C10orf143: variants seen among roughly 807,000 people sequenced by gnomAD.
The protein encoded by C10orf143 is chromosome 10 open reading frame 143.
intron 3 of C10orf143, among the ~76,000 whole-genome samples, chr10:130,047,385 A>T (rs1860688158): frequency 6.6e-6 from 1 of 152,344 alleles, no homozygotes; most frequent in Middle Eastern, 3.4e-3. Context: ...CAGCCCCAGC[A>T]TCAGCACAGG....
intron 1 of C10orf143, among the ~76,000 whole-genome samples, chr10:130,084,201 C>T (rs1861253715): frequency 6.6e-6 from 1 of 152,020 alleles, no homozygotes. Flanking sequence ...GTAGTCCCAG[C>T]TACTTGGGAG....
intron 1 of C10orf143, among the ~76,000 whole-genome samples, chr10:130,084,447 T>C (rs1007251761): frequency 6.6e-5 from 10 of 152,236 alleles, no homozygotes; most frequent in African/African-American, 2.4e-4. Flanking sequence ...GAAATTACTT[T>C]ATTGGCATTG....
At chr10:130,085,177 G>A (rs1861270643) in intron 1 of C10orf143, among the ~76,000 whole-genome samples, 2 of 152,292 alleles carry the variant, frequency 1.3e-5, no homozygotes, top group Admixed American at 1.3e-4. Context: ...AATAATAGAT[G>A]CTAAAATTAG....
downstream of C10orf143, among the ~76,000 whole-genome samples, chr10:130,061,527 AT>A (rs970452540): frequency 6.6e-6 from 1 of 152,318 alleles, no homozygotes; most frequent in Admixed American, 6.5e-5. Flanking sequence ...ACGTTTTGAC[AT>A]TTTTAGCCCC....
intron 3 of C10orf143, among the ~76,000 whole-genome samples, chr10:130,053,275 G>A (rs936299090): frequency 6.6e-6 from 1 of 152,238 alleles, no homozygotes; most frequent in Admixed American, 6.5e-5. Flanking sequence ...TGGCCAGGAT[G>A]GTCTCGATCT....
intron 1 of C10orf143, among the ~76,000 whole-genome samples, chr10:130,088,254 C>T (rs111678115): frequency 0.05 from 7,630 of 152,004 alleles, 642 homozygotes; most frequent in African/African-American, 0.18. Flanking sequence ...CGTGGTGGCA[C>T]GTGCCTATAA....
At chr10:130,085,995 G>C (rs1861285570) in intron 1 of C10orf143, among the ~76,000 whole-genome samples, 1 of 152,128 alleles carries the variant, frequency 6.6e-6, no homozygotes, top group South Asian at 2.1e-4. Flanking sequence ...AATATCCCTA[G>C]TCTCTCTCAC....
Position 130,065,378 on chromosome 10 carries a change from G to A in C10orf143, c.298-995C>T, listed in dbSNP as rs1359196384. ...AGGCTTCACACAAGACAGGAATCTC[G>A]GGTGGGCCACGAAGGAGCAAGAGAA... On this transcript the variant is annotated intron_variant, in intron 3 of 3. Transcript: ENST00000637128. The surrounding 1 kb of genome is among the most constrained non-coding windows in gnomAD (Gnocchi z 4.2). 3 of 152,348 alleles carry A rather than the reference G, an allele frequency of 2.0e-5. No individual in the cohort carries two copies. Among genetic ancestry groups the A allele is most frequent in the South Asian group, 2.1e-4 (1 of 4,830 alleles). 9.4% of individuals were successfully genotyped at this position (152,348 alleles called of 1,614,324 possible). A position where few individuals can be genotyped will look rare whatever the true frequency, so the allele number is the denominator to read the frequency against.
chr10:130,053,812 C>T (rs1860766473), intron 3 of C10orf143, among the ~76,000 whole-genome samples: 1 of 152,202 alleles, frequency 6.6e-6, no homozygotes, highest in Non-Finnish European at 1.5e-5. Flanking sequence ...ACTCTGTTGC[C>T]AGGAGGCTGG....
intron 1 of C10orf143, among the ~76,000 whole-genome samples, chr10:130,093,811 C>G (rs1182994): frequency 6.6e-6 from 1 of 151,718 alleles, no homozygotes; most frequent in East Asian, 1.9e-4. Flanking sequence ...AGATTGAGAT[C>G]GTCCTGGCTA....
intron 3 of C10orf143, among the ~76,000 whole-genome samples, chr10:130,058,625 T>C (rs368526075): frequency 1.4e-5 from 2 of 148,096 alleles, no homozygotes; most frequent in African/African-American, 5.0e-5. Flanking sequence ...CAGTTACACA[T>C]AGAAACAGTA....
chr10:130,081,388 T>C (rs536456971), intron 1 of C10orf143, among the ~76,000 whole-genome samples: 10 of 152,208 alleles, frequency 6.6e-5, no homozygotes, highest in Non-Finnish European at 1.3e-4. Flanking sequence ...GGAGGTTTCA[T>C]ACACCATTCT....
chr10:130,080,261 G>A lies in C10orf143; in HGVS notation c.70-360C>T, dbSNP rs555385292. Among the ~76,000 whole-genome samples the A allele has an allele frequency of 1.6e-4, 24 of 152,292 alleles. No homozygotes were observed. In the South Asian group the frequency reaches 2.1e-3, roughly 13 times the overall value. ...GAAACTAGTTATATGCTTTTGCTTAGTATCAAGTTACATACTTTCTTAATA... is the reference window on the plus strand; with the variant it reads ...GAAACTAGTTATATGCTTTTGCTTAATATCAAGTTACATACTTTCTTAATA... On this transcript the variant is annotated intron_variant, in intron 1 of 3. Transcript: ENST00000637128.
downstream of C10orf143, among the ~76,000 whole-genome samples, chr10:130,061,671 G>A (rs1465159681): frequency 1.3e-5 from 2 of 152,144 alleles, no homozygotes; most frequent in African/African-American, 2.4e-5. Context: ...CTCCTCTTTT[G>A]ACAAGAATAC....
At chr10:130,107,818 G>A in intron 1 of C10orf143, 2 of 1,248,276 alleles carry the variant, frequency 1.6e-6, no homozygotes, top group Non-Finnish European at 1.2e-6. Context: ...CTGACACTGG[G>A]TCCCTGTCAC....
intron 1 of C10orf143, chr10:130,104,862 T>C (rs925398472): frequency 3.3e-5 from 5 of 152,202 alleles, no homozygotes; most frequent in Admixed American, 3.3e-4. Flanking sequence ...GCCCACAGCA[T>C]CACACTTTTC....
intron 3 of C10orf143, among the ~76,000 whole-genome samples, chr10:130,075,912 T>C (rs550147503): frequency 6.6e-6 from 1 of 152,242 alleles, no homozygotes; most frequent in African/African-American, 2.4e-5. Flanking sequence ...GTGAGTCAAC[T>C]AGATCTCTTT....
At chr10:130,106,681 G>C (rs746060013) in intron 1 of C10orf143, 1 of 1,231,894 alleles carries the variant, frequency 8.1e-7, no homozygotes, top group Non-Finnish European at 1.2e-6. Context: ...AAGATGCTTT[G>C]AATGAAAACT....
chr10:130,059,634 T>C (rs1266618494), downstream of C10orf143, among the ~76,000 whole-genome samples: 1 of 152,160 alleles, frequency 6.6e-6, no homozygotes, highest in Non-Finnish European at 1.5e-5. Context: ...ACTACCAATT[T>C]GTAGGAAACA....
Sources: allele counts gnomAD v4.1 joint callset (sites outside exome capture counted in the v4.1 genomes callset), GRCh38; gene constraint gnomAD v4.1.1; non-coding constraint Gnocchi (gnomAD v3.1); transcripts MANE v1.5; gene names NCBI Gene and HGNC (gene_info 2026-07-23, HGNC 2026-07-21).